ATOSA: variants seen among roughly 807,000 people sequenced by gnomAD.
The protein encoded by ATOSA is atos homolog protein A.
the ATOSA span, among the ~76,000 whole-genome samples, chr15:52,606,092 G>T: frequency 6.6e-6 from 1 of 151,884 alleles, no homozygotes. Context: ...CTGAAACCAT[G>T]GAAAGGAAAC....
At chr15:52,609,385 A>G in the ATOSA span, 18 of 1,613,792 alleles carry the variant, frequency 1.1e-5, no homozygotes, top group Non-Finnish European at 1.4e-5. Context: ...GGAGTCATGC[A>G]TGTTGAATGA....
At chr15:52,656,517 TAA>T in the ATOSA span, 2 of 152,092 alleles carry the variant, frequency 1.3e-5, no homozygotes, top group African/African-American at 4.8e-5. Context: ...CTAAGAGACT[TAA>T]TTGGGACTCT....
chr15:52,599,134 A>G, the ATOSA span, among the ~76,000 whole-genome samples: 1 of 152,332 alleles, frequency 6.6e-6, no homozygotes, highest in South Asian at 2.1e-4. Flanking sequence ...AAACAGTCTA[A>G]TACATTCCCT....
the ATOSA span, among the ~76,000 whole-genome samples, chr15:52,703,394 AT>A: frequency 3.3e-5 from 5 of 152,208 alleles, no homozygotes; most frequent in African/African-American, 1.2e-4. Context: ...GATCAATTTC[AT>A]TCATAATAAG....
chr15:52,588,742 G>A, the ATOSA span, among the ~76,000 whole-genome samples: 1 of 152,194 alleles, frequency 6.6e-6, no homozygotes, highest in East Asian at 1.9e-4. Flanking sequence ...GTGAGCCATC[G>A]TGCCCAGGCT....
the ATOSA span, among the ~76,000 whole-genome samples, chr15:52,679,815 CCCTCCT>C: frequency 1.1e-4 from 12 of 104,818 alleles, no homozygotes; most frequent in Non-Finnish European, 2.1e-4. Flanking sequence ...CTCCTTCCCC[CCCTCCT>C]CCTCCTCCTC....
the ATOSA span, among the ~76,000 whole-genome samples, chr15:52,670,768 C>T: frequency 7.0e-6 from 1 of 143,130 alleles, no homozygotes; most frequent in Non-Finnish European, 1.5e-5. Context: ...AATAATCCTG[C>T]CCACAGAGTA....
chr15:52,690,706 T>C, the ATOSA span, among the ~76,000 whole-genome samples: 2 of 152,314 alleles, frequency 1.3e-5, no homozygotes, highest in African/African-American at 2.4e-5. Context: ...TATGCTAGCA[T>C]TTTGCAACAG....
chr15:52,623,783 A>T, the ATOSA span, among the ~76,000 whole-genome samples: 2 of 152,260 alleles, frequency 1.3e-5, no homozygotes, highest in African/African-American at 4.8e-5. Flanking sequence ...TATTCTGAAG[A>T]GTATAAACGA....
the ATOSA span, chr15:52,611,524 T>C: frequency 1.3e-6 from 2 of 1,560,644 alleles, no homozygotes; most frequent in Non-Finnish European, 1.8e-6. Context: ...TAAGAAGTAA[T>C]GGAAAACTTG....
At chr15:52,628,087 G>T in the ATOSA span, among the ~76,000 whole-genome samples, 1 of 152,206 alleles carries the variant, frequency 6.6e-6, no homozygotes, top group Non-Finnish European at 1.5e-5. Flanking sequence ...GATGAGACAT[G>T]TGGGAATTTG....
chr15:52,648,143 T>C, the ATOSA span, among the ~76,000 whole-genome samples: 1 of 152,324 alleles, frequency 6.6e-6, no homozygotes, highest in East Asian at 1.9e-4. Context: ...CATTTTATTA[T>C]AATAGCTAAT....
the ATOSA span, among the ~76,000 whole-genome samples, chr15:52,589,240 A>G: frequency 6.6e-6 from 1 of 152,238 alleles, no homozygotes; most frequent in African/African-American, 2.4e-5. Context: ...GGTACTCTGT[A>G]TACCACTTTT....
the ATOSA span, among the ~76,000 whole-genome samples, chr15:52,629,837 G>A: frequency 6.6e-6 from 1 of 151,724 alleles, no homozygotes; most frequent in Non-Finnish European, 1.5e-5. Flanking sequence ...GAAAAGACTA[G>A]AAGGATAAGT....
the ATOSA span, among the ~76,000 whole-genome samples, chr15:52,642,592 AC>A: frequency 1.3e-5 from 2 of 152,202 alleles, no homozygotes; most frequent in Admixed American, 6.5e-5. Flanking sequence ...TGGCCAGAGT[AC>A]AAAACTTGTT....
At chr15:52,608,847 C>A in the ATOSA span, 2 of 1,608,730 alleles carry the variant, frequency 1.2e-6, no homozygotes, top group Non-Finnish European at 1.7e-6. Flanking sequence ...ACATTTCCAA[C>A]ACAGTAACTT....
At chr15:52,612,309 T>C in the ATOSA span, among the ~76,000 whole-genome samples, 1 of 151,904 alleles carries the variant, frequency 6.6e-6, no homozygotes, top group Non-Finnish European at 1.5e-5. Context: ...ATAATGCAAA[T>C]TTTCTTGAGG....
the ATOSA span, among the ~76,000 whole-genome samples, chr15:52,598,002 T>C: frequency 6.6e-6 from 1 of 152,076 alleles, no homozygotes; most frequent in Non-Finnish European, 1.5e-5. Context: ...CGCGCTCCTG[T>C]AATCCCAGTT....
chr15:52,637,757 A>G, the ATOSA span, among the ~76,000 whole-genome samples: 1 of 152,222 alleles, frequency 6.6e-6, no homozygotes, highest in Admixed American at 6.5e-5. Flanking sequence ...GTCACTTAGT[A>G]GAAACAGAGG....
Sources: gnomAD v4.1 joint callset for allele counts (sites outside exome capture counted in the v4.1 genomes callset) on GRCh38, gnomAD v4.1.1 for gene constraint, MANE v1.5 for transcripts, NCBI Gene and HGNC (gene_info 2026-07-23, HGNC 2026-07-21) for gene names.